GRIA4: variants seen among roughly 807,000 people sequenced by gnomAD.
GRIA4 encodes glutamate ionotropic receptor AMPA type subunit 4.
GRIA4 carries 34 observed loss-of-function variants against 104.0 expected under a neutral mutation model. The ratio of observed to expected loss-of-function variants is 0.33; its 90% confidence interval spans 0.25 to 0.44. GRIA4 has a LOEUF of 0.44. GRIA4 is among the 20% of genes least tolerant of loss of function. The pLI is 1.00. For missense variants in GRIA4, 750 were observed against 1,096.5 expected (o/e 0.68, Z 4.46); for synonymous variants, 386 against 381.9 (o/e 1.01, Z -0.13).
intron 14 of GRIA4, among the ~76,000 whole-genome samples, chr11:105,950,517 T>C (rs1948430838): frequency 6.8e-6 from 1 of 146,092 alleles, no homozygotes. Flanking sequence ...CTCAAAAGAT[T>C]AGAACTTAAA....
At chr11:105,741,177 T>A (rs978795180) in intron 3 of GRIA4, among the ~76,000 whole-genome samples, 4 of 152,034 alleles carry the variant, frequency 2.6e-5, no homozygotes, top group African/African-American at 9.7e-5. Flanking sequence ...AAGAGGAAGA[T>A]AAGAATCAAG....
chr11:105,967,751 C>G (rs1255481596), intron 14 of GRIA4, among the ~76,000 whole-genome samples: 3 of 148,530 alleles, frequency 2.0e-5, no homozygotes, highest in African/African-American at 7.5e-5. Flanking sequence ...TAAGGTTTAT[C>G]AAGAGAATAG....
At chr11:105,887,276 T>C (rs1228860741) in intron 5 of GRIA4, among the ~76,000 whole-genome samples, 1 of 152,120 alleles carries the variant, frequency 6.6e-6, no homozygotes, top group South Asian at 2.1e-4. Context: ...TTTAAGGAGA[T>C]TATAATAATT....
intron 5 of GRIA4, among the ~76,000 whole-genome samples, chr11:105,866,549 GTGTATA>G (rs1198573405): frequency 0.038 from 2,945 of 78,158 alleles, 74 homozygotes; most frequent in African/African-American, 0.087. Context: ...GTGTGTGTGT[GTGTATA>G]TATATATATA....
At chr11:105,909,211 A>G (rs549002142) in intron 9 of GRIA4, among the ~76,000 whole-genome samples, 4 of 152,282 alleles carry the variant, frequency 2.6e-5, no homozygotes, top group Admixed American at 6.5e-5. Flanking sequence ...TGACACGTTA[A>G]TGCTTACTCT....
intron 4 of GRIA4, among the ~76,000 whole-genome samples, chr11:105,817,529 T>G (rs1943425746): frequency 6.6e-6 from 1 of 151,836 alleles, no homozygotes; most frequent in African/African-American, 2.4e-5. Flanking sequence ...TAGAGCAAGA[T>G]GTGTCAGGTG....
chr11:105,712,655 G>A (rs773363693), intron 3 of GRIA4, among the ~76,000 whole-genome samples: 11 of 151,846 alleles, frequency 7.2e-5, no homozygotes, highest in Non-Finnish European at 1.3e-4. Context: ...CATGCTTAGT[G>A]AATCCGTTTC....
chr11:105,925,440 T>C (rs1452211897), intron 12 of GRIA4, among the ~76,000 whole-genome samples: 1 of 152,064 alleles, frequency 6.6e-6, no homozygotes, highest in Non-Finnish European at 1.5e-5. Flanking sequence ...CAAGAAAAAA[T>C]GCCTTACTTT....
chr11:105,688,156 C>CTATATCTATATCTATCTATCTA (rs373564678), intron 3 of GRIA4, among the ~76,000 whole-genome samples: 3 of 72,774 alleles, frequency 4.1e-5, no homozygotes, highest in South Asian at 5.1e-4. Flanking sequence ...ATATCTATAT[C>CTATATCTATATCTATCTATCTA]TCTATCTATC....
chr11:105,645,078 G>A (rs1310751097), intron 3 of GRIA4, among the ~76,000 whole-genome samples: 2 of 152,128 alleles, frequency 1.3e-5, no homozygotes, highest in Non-Finnish European at 2.9e-5. Flanking sequence ...GGCGCAATAC[G>A]ACCATTCTAT....
rs201456521 is a variant in GRIA4, at chr11:105,684,053, T to C, written c.248-68928T>C. On this transcript the variant is annotated intron_variant, in intron 3 of 16. Coordinates refer to ENST00000282499, the MANE Select transcript of GRIA4 (RefSeq NM_000829.4). ...CCACACCAGGCTAATTTTGTATTTTTAGTAGAGATGAGGTTTCTCCATGTT... is the reference window on the plus strand; with the variant it reads ...CCACACCAGGCTAATTTTGTATTTTCAGTAGAGATGAGGTTTCTCCATGTT... Among the ~76,000 whole-genome samples, 18 of 152,096 alleles carry C rather than the reference T, an allele frequency of 1.2e-4. No individual in the cohort carries two copies. In the East Asian group the frequency reaches 3.5e-3, roughly 30 times the overall value.
rs116533466 is a variant in GRIA4, at chr11:105,651,182, T to C, written c.247+38748T>C. On this transcript the variant is annotated intron_variant, in intron 3 of 16. Transcript: ENST00000282499. ...AAGATGAATTTTTATGCCTAATTTA[T>C]AAAGTCACTGAAAATACCAGTATAA... is the stretch of plus-strand genomic sequence containing the variant. Among the ~76,000 whole-genome samples, 516 of 152,294 alleles carry C rather than the reference T, an allele frequency of 3.4e-3. 4 individuals are homozygous for C. Among genetic ancestry groups the C allele is most frequent in the African/African-American group, 0.012 (493 of 41,574 alleles).
chr11:105,684,886 T>A (rs1952825545), intron 3 of GRIA4, among the ~76,000 whole-genome samples: 1 of 151,882 alleles, frequency 6.6e-6, no homozygotes, highest in Non-Finnish European at 1.5e-5. Context: ...CTAACTTACA[T>A]TGTAAAGATT....
chr11:105,918,809 A>G lies in GRIA4; in HGVS notation c.1367A>G (p.Lys456Arg), dbSNP rs1591444691. The G allele has an allele frequency of 1.9e-6, 3 of 1,598,774 alleles. No individual in the cohort carries two copies. The highest frequency in any genetic ancestry group is 1.1e-5 in the South Asian group (1 of 90,658). Reference sequence around the variant, plus strand: ...GTAGATTTGGCATCTGAAATTGCAAAACATATTGGTATCAAGTATAAAATT... The same window carrying G: ...GTAGATTTGGCATCTGAAATTGCAAGACATATTGGTATCAAGTATAAAATT... ...YCVDLASEIA[K>R]HIGIKYKIAI... The change falls in exon 11 of 17, where the codon AAA (lysine) becomes AGA (arginine). Residue 456 changes from lysine (K) to arginine (R), a missense_variant. By Grantham distance (26) the Lys-to-Arg change is conservative (BLOSUM62 2). Coordinates refer to ENST00000282499, the MANE Select transcript of GRIA4 (RefSeq NM_000829.4).
chr11:105,884,498 A>G (rs1001945825), intron 5 of GRIA4, among the ~76,000 whole-genome samples: 2 of 152,226 alleles, frequency 1.3e-5, no homozygotes, highest in African/African-American at 4.8e-5. Context: ...TTTTTTCACA[A>G]AGAAACTAAG....
At chr11:105,954,886 T>G (rs1034923012) in intron 14 of GRIA4, among the ~76,000 whole-genome samples, 7 of 147,188 alleles carry the variant, frequency 4.8e-5, no homozygotes, top group Non-Finnish European at 1.0e-4. Context: ...CTTCCCTCTT[T>G]TTGATAGGTA....
intron 4 of GRIA4, among the ~76,000 whole-genome samples, chr11:105,843,655 A>G (rs971773185): frequency 6.6e-6 from 1 of 152,198 alleles, no homozygotes; most frequent in Non-Finnish European, 1.5e-5. Flanking sequence ...ACTTGATTCC[A>G]GTTCCTGGCC....
chr11:105,776,801 T>G (rs879939731), intron 4 of GRIA4, among the ~76,000 whole-genome samples: 1 of 152,170 alleles, frequency 6.6e-6, no homozygotes, highest in Non-Finnish European at 1.5e-5. Context: ...GAGTAGACTT[T>G]ACTGAAATGC....
At chr11:105,707,756 T>A (rs542562320) in intron 3 of GRIA4, 1 of 152,284 alleles carries the variant, frequency 6.6e-6, no homozygotes, top group African/African-American at 2.4e-5. Flanking sequence ...ATTCTCCGAA[T>A]GTGGTAGAGA....
Sources: allele counts gnomAD v4.1 joint callset (sites outside exome capture counted in the v4.1 genomes callset), GRCh38; gene constraint gnomAD v4.1.1; transcripts MANE v1.5; gene names NCBI Gene and HGNC (gene_info 2026-07-23, HGNC 2026-07-21).